HDC: variants seen among roughly 807,000 people sequenced by gnomAD.
HDC encodes the protein histidine decarboxylase.
Under a neutral mutation model 64.4 loss-of-function variants are expected in HDC, and 27 were observed. That is an observed-to-expected ratio of 0.42 (90% confidence interval 0.31 to 0.58). The LOEUF is 0.58. Ranked by LOEUF, HDC falls within the 20% of genes least tolerant of loss-of-function variation. The probability of loss-of-function intolerance (pLI) is 0.16; values close to 1 mark genes in which losing one functional copy is unlikely to be tolerated. For missense variants in HDC, 711 were observed against 833.9 expected (o/e 0.85, Z 1.81); for synonymous variants, 305 against 314.2 (o/e 0.97, Z 0.31).
At position 50,254,635 on chromosome 15, in the gene HDC, G is replaced by C; in HGVS notation, c.471C>G (p.Ala157=). 1 of 1,614,094 alleles carries C rather than the reference G, an allele frequency of 6.2e-7. No individual in the cohort carries two copies. Among genetic ancestry groups the C allele is most frequent in the Non-Finnish European group, 8.5e-7 (1 of 1,179,990 alleles). Residue 157 remains alanine, a synonymous_variant, in exon 5 of 12, where the codon GCC becomes GCG. Coordinates refer to ENST00000267845, the MANE Select transcript of HDC (RefSeq NM_002112.4). ...TTTTGTTCTTCCTTGCTGCCAGCAG[G>C]GCAATCAAAGTGGATTCACTGACCG... ...QSTVSESTLI[A]LLAARKNKIL... is the part of the protein sequence containing the mutation.
At chr15:50,245,727 T>G (rs1173267147) in intron 10 of HDC, among the ~76,000 whole-genome samples, 1 of 152,002 alleles carries the variant, frequency 6.6e-6, no homozygotes, top group Non-Finnish European at 1.5e-5. Flanking sequence ...AAACCCCATC[T>G]CTACAAAAAA....
rs2045663222 is a variant in HDC, at chr15:50,258,594, G to A, written c.205-77C>T. 4.3e-5 allele frequency: 35 copies of A among 822,458 alleles called. No individual in the cohort carries two copies. In the South Asian group the frequency reaches 4.9e-4, roughly 12 times the overall value. The allele number at this position is 822,458 out of a possible 1,614,324, so 50.9% of individuals were successfully genotyped here. On this transcript the variant is annotated intron_variant, in intron 2 of 11. Coordinates refer to ENST00000267845, the MANE Select transcript of HDC (RefSeq NM_002112.4). The stretch of plus-strand genomic sequence containing the variant: ...TTTCTTTCTCCAGAGACCATCTCTG[G>A]CAAGGTGAAGTGTCACTCTAGAGAT...
chr15:50,245,691 G>T (rs28758988), intron 10 of HDC, among the ~76,000 whole-genome samples: 15,733 of 152,006 alleles, frequency 0.1, 1,975 homozygotes, highest in African/African-American at 0.3. Context: ...GCCCAGGAGC[G>T]TGAGAACAAC....
intron 10 of HDC, among the ~76,000 whole-genome samples, chr15:50,245,858 C>T (rs563432249): frequency 4.6e-5 from 7 of 151,910 alleles, no homozygotes; most frequent in South Asian, 4.2e-4. Flanking sequence ...ATGGCACTAC[C>T]GCACTTCAGC....
intron 2 of HDC, among the ~76,000 whole-genome samples, chr15:50,262,372 T>C (rs2045715325): frequency 6.6e-6 from 1 of 152,176 alleles, no homozygotes; most frequent in African/African-American, 2.4e-5. Flanking sequence ...ACAGGGCCAC[T>C]GGGAAGATTA....
intron 1 of HDC, 101 bp downstream of exon 1, chr15:50,265,492 G>T: frequency 9.8e-7 from 1 of 1,020,316 alleles, no homozygotes; most frequent in Non-Finnish European, 1.6e-6. Context: ...CAATTCTAAT[G>T]CTCCCATCAA....
intron 7 of HDC, 168 bp downstream of exon 7, chr15:50,253,432 A>C (rs969401907): frequency 7.0e-6 from 5 of 715,180 alleles, no homozygotes; most frequent in African/African-American, 1.7e-5. Flanking sequence ...GGCAATGTCC[A>C]GGGATCCCTG....
intron 1 of HDC, among the ~76,000 whole-genome samples, chr15:50,265,166 G>C (rs1036672451): frequency 6.6e-6 from 1 of 152,148 alleles, no homozygotes; most frequent in Non-Finnish European, 1.5e-5. Flanking sequence ...CTAAATGAAA[G>C]AACACTGCTG....
At chr15:50,258,611 T>C (rs2045663453) in intron 2 of HDC, 94 bp from the exon 3 acceptor site, 2 of 748,394 alleles carry the variant, frequency 2.7e-6, no homozygotes, top group Non-Finnish European at 4.8e-6. Context: ...GAAGTGTCAC[T>C]CTAGAGATGG....
At chr15:50,253,928 A>G in intron 6 of HDC, 1 of 662,310 alleles carries the variant, frequency 1.5e-6, no homozygotes, top group South Asian at 1.8e-5. Context: ...ATTTTATACT[A>G]TATTTCTTTT....
chr15:50,259,521 T>A lies in HDC; in HGVS notation c.205-1004A>T, dbSNP rs375482667. Among the ~76,000 whole-genome samples, 64 of 152,274 alleles carry A rather than the reference T, an allele frequency of 4.2e-4. No homozygotes were observed. The East Asian group carries it at 0.012, about 28-fold the overall frequency. On this transcript the variant is annotated intron_variant, in intron 2 of 11. Transcript: ENST00000267845. ...GGTGGTTCATCGGCCTCATGGATTA[T>A]CTCATCTCTCCTCATCTCACTGCTC... is the stretch of plus-strand genomic sequence containing the variant.
At chr15:50,251,326 G>C (rs573961600) in intron 9 of HDC, among the ~76,000 whole-genome samples, 2 of 152,260 alleles carry the variant, frequency 1.3e-5, no homozygotes, top group South Asian at 4.1e-4. Context: ...ACCATATATT[G>C]AGCACTTGCC....
intron 4 of HDC, among the ~76,000 whole-genome samples, chr15:50,255,182 A>G (rs1183415448): frequency 6.6e-6 from 1 of 152,166 alleles, no homozygotes; most frequent in Admixed American, 6.5e-5. Context: ...TGAAATGGAG[A>G]GCATCCCTTT....
At chr15:50,250,594 CA>C (rs2045541662) in intron 9 of HDC, among the ~76,000 whole-genome samples, 2 of 152,208 alleles carry the variant, frequency 1.3e-5, no homozygotes, top group South Asian at 4.2e-4. Context: ...ACATGAAATT[CA>C]AAAGGGCAAG....
In HDC at chr15:50,263,331, A is replaced by G. The variant is rs200696215; in HGVS notation, c.108T>C (p.Pro36=). The change falls in exon 2 of 12, where the codon CCT becomes CCC. Residue 36 remains proline, a synonymous_variant. Transcript: ENST00000267845. ...RERRVTPDVQ[P]GYLRAQLPES... is the part of the protein sequence containing the mutation. Reference sequence around the variant, plus strand: ...CAGGCAGCTGGGCTCGCAGGTAGCCAGGCTGCACGTCTGGCGTCACACGTC... The same window carrying G: ...CAGGCAGCTGGGCTCGCAGGTAGCCGGGCTGCACGTCTGGCGTCACACGTC... 1 of 1,614,146 alleles carries G rather than the reference A, an allele frequency of 6.2e-7. No individual in the cohort carries two copies. The highest frequency in any genetic ancestry group is 8.5e-7 in the Non-Finnish European group (1 of 1,179,982).
chr15:50,253,687 G>T, intron 6 of HDC, 21 bp from the exon 7 acceptor site: 1 of 1,607,060 alleles, frequency 6.2e-7, no homozygotes, highest in Non-Finnish European at 8.5e-7. Context: ...ATTAAGGCAA[G>T]TTAACACAGG....
chr15:50,251,997 C>T (rs531879263), intron 9 of HDC, among the ~76,000 whole-genome samples: 20 of 152,112 alleles, frequency 1.3e-4, no homozygotes, highest in African/African-American at 4.6e-4. Context: ...TGCCCCACAG[C>T]GCCTCTGTCA....
intron 10 of HDC, among the ~76,000 whole-genome samples, chr15:50,243,595 A>C (rs771883652): frequency 2.0e-5 from 3 of 152,238 alleles, no homozygotes; most frequent in Non-Finnish European, 4.4e-5. Flanking sequence ...AGTGAGGGCC[A>C]AAACCCAGTC....
chr15:50,257,286 A>G, intron 4 of HDC, 139 bp downstream of exon 4: 1 of 1,008,680 alleles, frequency 9.9e-7, no homozygotes. Context: ...GGAAGCTGTG[A>G]TGATGGTGCT....
Sources: allele counts gnomAD v4.1 joint callset (sites outside exome capture counted in the v4.1 genomes callset), GRCh38; gene constraint gnomAD v4.1.1; transcripts MANE v1.5; gene names NCBI Gene and HGNC (gene_info 2026-07-23, HGNC 2026-07-21).